The following EML4 variants were observed in gnomAD, a reference collection of about 807,000 sequenced individuals.
EML4 encodes EMAP like 4.
A neutral mutation model predicts 129.0 loss-of-function variants in EML4; 72 were observed. That is an observed-to-expected ratio of 0.56 (90% CI 0.46 to 0.68). EML4 has a LOEUF of 0.68. Ranked by LOEUF, EML4 falls within the 30% of genes least tolerant of loss-of-function variation. The pLI, the probability that EML4 is intolerant of heterozygous loss-of-function variation, is 0.00. For missense variants in EML4, 1,363 were observed against 1,190.6 expected (o/e 1.14, Z -2.13); for synonymous variants, 532 against 405.0 (o/e 1.31, Z -3.77).
chr2:42,189,016 C>G (rs544726401), intron 1 of EML4, among the ~76,000 whole-genome samples: 1 of 152,238 alleles, frequency 6.6e-6, no homozygotes, highest in Admixed American at 6.5e-5. Context: ...ATCCCACTTA[C>G]AGCTTTTCTG....
chr2:42,193,262 C>A (rs1671705978), intron 1 of EML4, among the ~76,000 whole-genome samples: 1 of 152,160 alleles, frequency 6.6e-6, no homozygotes, highest in Admixed American at 6.5e-5. Context: ...GCTATACCAT[C>A]TAGGTTTGTG....
At chr2:42,242,442 G>T (rs1268127273) in intron 1 of EML4, among the ~76,000 whole-genome samples, 1 of 152,142 alleles carries the variant, frequency 6.6e-6, no homozygotes. Context: ...AGGCTTCAGA[G>T]AGTATAACTG....
chr2:42,275,841 C>T (rs1170351808), intron 6 of EML4, among the ~76,000 whole-genome samples: 1 of 152,124 alleles, frequency 6.6e-6, no homozygotes. Context: ...GTTTAACTAT[C>T]ATGAGGCAGG....
intron 1 of EML4, among the ~76,000 whole-genome samples, chr2:42,245,230 G>A (rs1675321089): frequency 6.6e-6 from 1 of 150,686 alleles, no homozygotes; most frequent in African/African-American, 2.4e-5. Context: ...AAATAGCTGG[G>A]ATTACAGGAG....
chr2:42,213,008 C>A (rs1672971811), intron 1 of EML4, among the ~76,000 whole-genome samples: 1 of 152,122 alleles, frequency 6.6e-6, no homozygotes, highest in South Asian at 2.1e-4. Context: ...TCATTTGTGC[C>A]ATGGTTCTGC....
At chr2:42,237,983 AG>A (rs1489013831) in intron 1 of EML4, among the ~76,000 whole-genome samples, 2 of 152,210 alleles carry the variant, frequency 1.3e-5, no homozygotes, top group African/African-American at 4.8e-5. Flanking sequence ...AAAAACAACC[AG>A]TTGTCCATGT....
intron 1 of EML4, among the ~76,000 whole-genome samples, chr2:42,194,754 C>T (rs1016410693): frequency 1.1e-4 from 17 of 151,890 alleles, no homozygotes; most frequent in Admixed American, 2.0e-4. Context: ...TCGAGTGATC[C>T]ACTTGTCTCA....
chr2:42,246,896 A>G (rs1675436160), intron 2 of EML4, among the ~76,000 whole-genome samples: 1 of 152,180 alleles, frequency 6.6e-6, no homozygotes, highest in Non-Finnish European at 1.5e-5. Flanking sequence ...ACCTCTCCAA[A>G]AGCAATTTTA....
rs1294508217 is a variant in EML4 at position 42,332,295 on chromosome 2, C to G, written c.*2088C>G. The G allele has an allele frequency of 4.7e-6, 1 of 213,392 alleles. No homozygotes were observed. Among genetic ancestry groups the G allele is most frequent in the African/African-American group, 2.3e-5 (1 of 44,114 alleles). 13.2% of individuals were successfully genotyped at this position (213,392 alleles called of 1,614,324 possible). On this transcript the variant is annotated 3_prime_UTR_variant, in exon 23 of 23. Transcript: ENST00000318522. ...TCTTCGGTGGTAGTTTCAAAAGACA[C>G]TACTAATACGCAGGAAGCGTTCCAG...
intron 1 of EML4, among the ~76,000 whole-genome samples, chr2:42,170,891 T>A (rs1670233149): frequency 6.6e-6 from 1 of 152,230 alleles, no homozygotes; most frequent in Non-Finnish European, 1.5e-5. Flanking sequence ...TTTTAAAATC[T>A]AAAGTAAAAA....
intron 6 of EML4, among the ~76,000 whole-genome samples, chr2:42,273,103 T>A (rs1666463638): frequency 6.6e-6 from 1 of 152,174 alleles, no homozygotes; most frequent in Admixed American, 6.5e-5. Flanking sequence ...TTCTTATTTT[T>A]AAAAAGTTAA....
intron 1 of EML4, among the ~76,000 whole-genome samples, chr2:42,211,058 C>T (rs1393094269): frequency 6.6e-6 from 1 of 152,180 alleles, no homozygotes; most frequent in East Asian, 1.9e-4. Context: ...CTGGAGCATC[C>T]TGTCTCCTTT....
chr2:42,246,291 A>G (rs1675397318), intron 2 of EML4, among the ~76,000 whole-genome samples: 1 of 152,148 alleles, frequency 6.6e-6, no homozygotes, highest in Admixed American at 6.6e-5. Context: ...TTCAACCACC[A>G]AGAAAGAATT....
chr2:42,303,565 T>C, intron 16 of EML4, 119 bp downstream of exon 16: 1 of 1,107,568 alleles, frequency 9.0e-7, no homozygotes, highest in South Asian at 1.5e-5. Flanking sequence ...ACATATGGTT[T>C]AGTAATAGAG....
At chr2:42,297,378 G>C (rs1385225896) in intron 13 of EML4, among the ~76,000 whole-genome samples, 1 of 152,116 alleles carries the variant, frequency 6.6e-6, no homozygotes, top group East Asian at 1.9e-4. Context: ...CTTAATATTT[G>C]TGTTCAGGTT....
rs1316027612 is a variant in EML4 at position 42,331,067 on chromosome 2, T to C, written c.*860T>C. On this transcript the variant is annotated 3_prime_UTR_variant, in exon 23 of 23. Transcript: ENST00000318522. Reference sequence around the variant, plus strand: ...TGCCTTTAAAACTAAACTGTAATAATTACCTGGCTAATTTCAGCTAAGCCT... The same window carrying C: ...TGCCTTTAAAACTAAACTGTAATAACTACCTGGCTAATTTCAGCTAAGCCT... 1.4e-5 allele frequency: 3 copies of C among 217,350 alleles called. No individual in the cohort carries two copies. Among genetic ancestry groups the C allele is most frequent in the Middle Eastern group, 1.4e-3 (1 of 694 alleles). 13.5% of individuals were successfully genotyped at this position (217,350 alleles called of 1,614,324 possible).
At position 42,228,092 on chromosome 2, in the gene EML4, G is replaced by A. The variant is rs1339708148; in HGVS notation, c.26-17413G>A. Among the ~76,000 whole-genome samples the A allele has an allele frequency of 5.3e-5, 8 of 151,986 alleles. No individual in the cohort carries two copies. The South Asian group carries it at 1.2e-3, about 24-fold the overall frequency. ...AAAAATTAGCTGGACATGGTGTCAC[G>A]CACCTATAATCCCAGCTACTCAGGA... On this transcript the variant is annotated intron_variant, in intron 1 of 22. Transcript: ENST00000318522.
At chr2:42,293,008 A>T (rs1234101251) in intron 11 of EML4, among the ~76,000 whole-genome samples, 1 of 152,216 alleles carries the variant, frequency 6.6e-6, no homozygotes, top group East Asian at 1.9e-4. Context: ...GTCAATCTTT[A>T]AACTTTACTT....
chr2:42,288,444 A>G (rs1031374711), intron 11 of EML4, 122 bp downstream of exon 11: 6 of 464,520 alleles, frequency 1.3e-5, no homozygotes, highest in Non-Finnish European at 2.3e-5. Context: ...CTACTAGCCA[A>G]ATTCAGCAAA....
Sources: allele counts gnomAD v4.1 joint callset (sites outside exome capture counted in the v4.1 genomes callset), GRCh38; gene constraint gnomAD v4.1.1; transcripts MANE v1.5; gene names NCBI Gene and HGNC (gene_info 2026-07-23, HGNC 2026-07-21).